The following PRTFDC1 variants were observed in gnomAD, a reference collection of about 807,000 sequenced individuals.
The protein encoded by PRTFDC1 is phosphoribosyltransferase domain-containing protein 1.
A neutral mutation model predicts 34.6 loss-of-function variants in PRTFDC1; 38 were observed. That is an observed-to-expected ratio of 1.10 (90% CI 0.85 to 1.44). The LOEUF (loss-of-function observed/expected upper bound fraction) is 1.44. PRTFDC1 is among the 40% of genes most tolerant of loss of function. The probability of loss-of-function intolerance (pLI) is 0.00; values close to 1 mark genes in which losing one functional copy is unlikely to be tolerated. For missense variants in PRTFDC1, 270 were observed against 283.0 expected (o/e 0.95, Z 0.33); for synonymous variants, 93 against 98.1 (o/e 0.95, Z 0.31).
intron 3 of PRTFDC1, among the ~76,000 whole-genome samples, chr10:24,935,855 T>C (rs1174472910): frequency 6.6e-6 from 1 of 152,162 alleles, no homozygotes; most frequent in Non-Finnish European, 1.5e-5. Flanking sequence ...GTCTACCAAC[T>C]CCAGCCTACA....
chr10:24,944,030 C>T (rs1437561136), intron 1 of PRTFDC1, among the ~76,000 whole-genome samples: 1 of 152,128 alleles, frequency 6.6e-6, no homozygotes, highest in Non-Finnish European at 1.5e-5. Context: ...CTCTGGGTTT[C>T]ATTCATTCAT....
At position 24,897,209 on chromosome 10, in the gene PRTFDC1, A is replaced by AT. The variant is rs113748540; in HGVS notation, c.340-25147_340-25146insA. 4.9e-3 allele frequency among the ~76,000 whole-genome samples: 752 copies of AT among 152,184 alleles called. 7 individuals are homozygous for AT. The highest frequency in any genetic ancestry group is 0.017 in the African/African-American group (703 of 41,518). ...TGACAGAGCAAGAATCTGTTTCAAA[A>AT]AAATAAATAAATAAATGAACCATCC... On this transcript the variant is annotated intron_variant, in intron 3 of 8. Coordinates refer to ENST00000320152, the MANE Select transcript of PRTFDC1 (RefSeq NM_020200.7).
intron 4 of PRTFDC1, among the ~76,000 whole-genome samples, chr10:24,861,448 T>C (rs1053071158): frequency 7.2e-5 from 11 of 152,154 alleles, no homozygotes; most frequent in Non-Finnish European, 1.5e-4. Context: ...TGCAGTGAGC[T>C]GAGATGGTGC....
rs527501027 is a variant in PRTFDC1, at chr10:24,863,377, A to C, written c.406-4968T>G. Among the ~76,000 whole-genome samples, 3 of 152,312 alleles carry C rather than the reference A, an allele frequency of 2.0e-5. No individual in the cohort carries two copies. The East Asian group carries it at 5.8e-4, about 29-fold the overall frequency. On this transcript the variant is annotated intron_variant, in intron 4 of 8. Coordinates refer to ENST00000320152, the MANE Select transcript of PRTFDC1 (RefSeq NM_020200.7). ...CTTACAGCATGGTTTATTGAAATGA[A>C]TATTTTATGGCCATTCTTGAGACCT...
At chr10:24,896,250 A>T (rs922468779) in intron 3 of PRTFDC1, among the ~76,000 whole-genome samples, 2 of 152,204 alleles carry the variant, frequency 1.3e-5, no homozygotes, top group African/African-American at 4.8e-5. Flanking sequence ...TGAGATTCTC[A>T]TAGGATCACA....
chr10:24,917,855 C>T lies in PRTFDC1; in HGVS notation c.339+19329G>A, dbSNP rs557360830. ...CTCAGTGCCTCATTGGTGGGGGCTA[C>T]GAGTGGTCACATGCCCGGCTGCTAA... On this transcript the variant is annotated intron_variant, in intron 3 of 8. Coordinates refer to ENST00000320152, the MANE Select transcript of PRTFDC1 (RefSeq NM_020200.7). 8.0e-4 allele frequency among the ~76,000 whole-genome samples: 121 copies of T among 152,134 alleles called. 1 individual carries two copies. The highest frequency in any genetic ancestry group is 1.4e-3 in the Non-Finnish European group (96 of 68,028).
At chr10:24,929,040 C>CAA (rs536613455) in intron 3 of PRTFDC1, among the ~76,000 whole-genome samples, 1,944 of 73,380 alleles carry the variant, frequency 0.026, 179 homozygotes, top group African/African-American at 0.088. Flanking sequence ...GACTCCGTCT[C>CAA]AAAAAAAAAA....
chr10:24,900,772 A>AG (rs1848436993), intron 3 of PRTFDC1, among the ~76,000 whole-genome samples: 2 of 152,200 alleles, frequency 1.3e-5, no homozygotes, highest in Non-Finnish European at 2.9e-5. Context: ...ACATGTTTAT[A>AG]TTTAGAATTA....
chr10:24,924,002 G>A lies in PRTFDC1; in HGVS notation c.339+13182C>T, dbSNP rs142647840. Among the ~76,000 whole-genome samples, 1,083 of 152,274 alleles carry A rather than the reference G, an allele frequency of 7.1e-3. 16 individuals carry two copies. Among genetic ancestry groups the A allele is most frequent in the African/African-American group, 0.025 (1,027 of 41,548 alleles). ...AACCACAGTACGAGAACTTCGTGAC[G>A]CATGCACAAGCTTCAATAGCTGATT... On this transcript the variant is annotated intron_variant, in intron 3 of 8. Coordinates refer to ENST00000320152, the MANE Select transcript of PRTFDC1 (RefSeq NM_020200.7).
At position 24,945,022 on chromosome 10, in the gene PRTFDC1, C is replaced by T. The variant is rs74367715; in HGVS notation, c.49-2586G>A. Among the ~76,000 whole-genome samples, 75 of 152,204 alleles carry T rather than the reference C, an allele frequency of 4.9e-4. 2 individuals are homozygous for T. In the East Asian group the frequency reaches 0.014, roughly 28 times the overall value. The stretch of plus-strand genomic sequence containing the variant: ...CCCTGCCTCCTGAGCTTTGCACTGG[C>T]GCCTCCTCTTGCCTGCAACACTCTT... On this transcript the variant is annotated intron_variant, in intron 1 of 8. Coordinates refer to ENST00000320152, the MANE Select transcript of PRTFDC1 (RefSeq NM_020200.7).
At chr10:24,900,504 A>T (rs1387541407) in intron 3 of PRTFDC1, among the ~76,000 whole-genome samples, 1 of 152,232 alleles carries the variant, frequency 6.6e-6, no homozygotes, top group East Asian at 1.9e-4. Flanking sequence ...GAAAGGCAAC[A>T]CCTCAGATCC....
chr10:24,875,396 C>T (rs890715402), intron 3 of PRTFDC1, among the ~76,000 whole-genome samples: 1 of 152,172 alleles, frequency 6.6e-6, no homozygotes, highest in African/African-American at 2.4e-5. Flanking sequence ...ACCAACCTCT[C>T]CCCATTCTCC....
Position 24,855,316 on chromosome 10 carries a change from A to C in PRTFDC1, c.553+2T>G, listed in dbSNP as rs1222707617. ...ACAAACAAAAAACTGAAAAACACTT[A>C]CAGTCAGGTCTAAAGCCGTCACTTC... On this transcript the variant is annotated splice_donor_variant, in intron 7 of 8. Coordinates refer to ENST00000320152, the MANE Select transcript of PRTFDC1 (RefSeq NM_020200.7). LOFTEE classifies it high-confidence loss of function. 1.2e-6 allele frequency: 2 copies of C among 1,612,808 alleles called. No homozygotes were observed. Among genetic ancestry groups the C allele is most frequent in the Non-Finnish European group, 1.7e-6 (2 of 1,179,138 alleles).
At chr10:24,862,052 T>C (rs1474492073) in intron 4 of PRTFDC1, among the ~76,000 whole-genome samples, 2 of 152,128 alleles carry the variant, frequency 1.3e-5, no homozygotes, top group East Asian at 3.9e-4. Flanking sequence ...TATAAAATGC[T>C]TGAAAACCAG....
At chr10:24,876,018 G>GT in intron 3 of PRTFDC1, among the ~76,000 whole-genome samples, 1 of 152,106 alleles carries the variant, frequency 6.6e-6, no homozygotes, top group Middle Eastern at 3.4e-3. Context: ...ACCACGCCTG[G>GT]ACTTATCAGA....
chr10:24,937,326 T>C lies in PRTFDC1; in HGVS notation c.197A>G (p.Tyr66Cys), dbSNP rs771400838. ...CACACACAGGACCATGATGTCACTATATCCTATGTCTTTCATAATATCCTT... is the reference window on the plus strand; with the variant it reads ...CACACACAGGACCATGATGTCACTACATCCTATGTCTTTCATAATATCCTT... ...LAKDIMKDIG[Y>C]SDIMVLCVLK... is the part of the protein sequence containing the mutation. Residue 66 changes from tyrosine to cysteine, a missense_variant, in exon 3 of 9, where the codon TAT becomes TGT. Transcript: ENST00000320152. 4 of 1,613,130 alleles carry C rather than the reference T, an allele frequency of 2.5e-6. No homozygotes were observed. The highest frequency in any genetic ancestry group is 3.4e-6 in the Non-Finnish European group (4 of 1,179,806).
At chr10:24,905,726 T>C (rs1848523730) in intron 3 of PRTFDC1, among the ~76,000 whole-genome samples, 1 of 152,182 alleles carries the variant, frequency 6.6e-6, no homozygotes, top group Non-Finnish European at 1.5e-5. Context: ...ATGCCCAAGC[T>C]GGAAACCACA....
intron 3 of PRTFDC1, among the ~76,000 whole-genome samples, chr10:24,915,422 G>T (rs940787013): frequency 7.2e-5 from 11 of 152,066 alleles, no homozygotes; most frequent in African/African-American, 2.7e-4. Context: ...TCCTTTTCAT[G>T]ACCATTTCTC....
intron 4 of PRTFDC1, among the ~76,000 whole-genome samples, chr10:24,864,150 T>C (rs1176014728): frequency 1.3e-5 from 2 of 152,040 alleles, no homozygotes; most frequent in Non-Finnish European, 2.9e-5. Flanking sequence ...CTTGAACAGA[T>C]AAGGAGTTGC....
Sources: allele counts gnomAD v4.1 joint callset (sites outside exome capture counted in the v4.1 genomes callset), GRCh38; gene constraint gnomAD v4.1.1; transcripts MANE v1.5; gene names NCBI Gene and HGNC (gene_info 2026-07-23, HGNC 2026-07-21).